The following SLC24A2 variants were observed in gnomAD, a reference collection of about 807,000 sequenced individuals.
The protein encoded by SLC24A2 is solute carrier family 24 member 2, also known as sodium/potassium/calcium exchanger 2.
SLC24A2 carries 36 observed loss-of-function variants against 62.0 expected under a neutral mutation model. The observed-to-expected ratio is 0.58, with a 90% CI of 0.44 to 0.77. The LOEUF is 0.77. Ranked by LOEUF, SLC24A2 falls within the 30% of genes least tolerant of loss-of-function variation. SLC24A2 has a pLI of 0.00. For synonymous variants in SLC24A2, 358 were observed against 294.0 expected (o/e 1.22, Z -2.23); for missense variants, 846 against 817.9 (o/e 1.03, Z -0.42).
chr9:19,774,105 A>T (rs978473040), intron 2 of SLC24A2, among the ~76,000 whole-genome samples: 17 of 152,180 alleles, frequency 1.1e-4, no homozygotes, highest in Admixed American at 9.2e-4. Context: ...AACACTCTGC[A>T]GGGAAAGATA....
At chr9:19,775,742 C>T (rs929293602) in intron 2 of SLC24A2, among the ~76,000 whole-genome samples, 5 of 152,200 alleles carry the variant, frequency 3.3e-5, no homozygotes, top group Non-Finnish European at 7.3e-5. Context: ...TAAGAAAAGG[C>T]ACCCCTTCCT....
At chr9:19,956,758 T>G in the SLC24A2 span, among the ~76,000 whole-genome samples, 1 of 152,196 alleles carries the variant, frequency 6.6e-6, no homozygotes, top group African/African-American at 2.4e-5. Flanking sequence ...CACATGGAAA[T>G]TGTAGGAATT....
At chr9:20,133,250 A>C in the SLC24A2 span, among the ~76,000 whole-genome samples, 1 of 152,104 alleles carries the variant, frequency 6.6e-6, no homozygotes, top group Non-Finnish European at 1.5e-5. Flanking sequence ...ATACACACAC[A>C]CACACACATC....
At chr9:20,229,653 A>G in the SLC24A2 span, among the ~76,000 whole-genome samples, 2 of 151,882 alleles carry the variant, frequency 1.3e-5, no homozygotes, top group Admixed American at 6.6e-5. Flanking sequence ...CTCTCATTAT[A>G]CTATTACTTT....
intron 7 of SLC24A2, among the ~76,000 whole-genome samples, chr9:19,561,820 T>G (rs1487474848): frequency 6.6e-6 from 1 of 152,162 alleles, no homozygotes; most frequent in Non-Finnish European, 1.5e-5. Flanking sequence ...ATGGTTTGTT[T>G]TATATATAGA....
At chr9:20,256,081 CT>C in the SLC24A2 span, among the ~76,000 whole-genome samples, 1 of 152,292 alleles carries the variant, frequency 6.6e-6, no homozygotes, top group Non-Finnish European at 1.5e-5. Context: ...TGAACTCATC[CT>C]TTCATATCAA....
At chr9:19,634,414 G>A (rs1476136035) in intron 2 of SLC24A2, among the ~76,000 whole-genome samples, 1 of 151,624 alleles carries the variant, frequency 6.6e-6, no homozygotes, top group Non-Finnish European at 1.5e-5. Context: ...TCAGCCTCCT[G>A]AGTAGCTGGG....
At chr9:20,089,201 G>T in the SLC24A2 span, among the ~76,000 whole-genome samples, 2 of 152,242 alleles carry the variant, frequency 1.3e-5, no homozygotes, top group African/African-American at 4.8e-5. Context: ...ACCAGAAACT[G>T]GTCTGGACCC....
At chr9:20,245,043 G>A in the SLC24A2 span, among the ~76,000 whole-genome samples, 9 of 152,074 alleles carry the variant, frequency 5.9e-5, no homozygotes, top group African/African-American at 2.2e-4. Flanking sequence ...GTTTTTTAGC[G>A]GACATGAGAA....
chr9:19,865,253 A>T, the SLC24A2 span, among the ~76,000 whole-genome samples: 1 of 152,126 alleles, frequency 6.6e-6, no homozygotes, highest in Non-Finnish European at 1.5e-5. Flanking sequence ...AAATGTCCAT[A>T]CTATCCAAAG....
At chr9:20,291,693 T>C in the SLC24A2 span, among the ~76,000 whole-genome samples, 1 of 152,170 alleles carries the variant, frequency 6.6e-6, no homozygotes, top group Non-Finnish European at 1.5e-5. Context: ...GCTGGAGCAC[T>C]AAAATAATTT....
chr9:19,745,120 T>C (rs542621726), intron 2 of SLC24A2, among the ~76,000 whole-genome samples: 58 of 152,222 alleles, frequency 3.8e-4, no homozygotes, highest in African/African-American at 1.3e-3. Context: ...ACTGAGTTCA[T>C]GTGAGATCTG....
chr9:19,834,086 C>T, the SLC24A2 span, among the ~76,000 whole-genome samples: 19 of 152,106 alleles, frequency 1.2e-4, no homozygotes. Flanking sequence ...ACGTCACCAT[C>T]ATCAAAGACC....
At chr9:19,748,150 C>G (rs1198840635) in intron 2 of SLC24A2, among the ~76,000 whole-genome samples, 1 of 152,110 alleles carries the variant, frequency 6.6e-6, no homozygotes, top group Non-Finnish European at 1.5e-5. Flanking sequence ...GAATTATTTA[C>G]CAAAAGCAAA....
the SLC24A2 span, among the ~76,000 whole-genome samples, chr9:20,237,319 A>T: frequency 6.6e-6 from 1 of 152,232 alleles, no homozygotes; most frequent in Admixed American, 6.5e-5. Flanking sequence ...AGGTAAAGGT[A>T]GGTCATAAAA....
intron 6 of SLC24A2, 66 bp from the exon 7 acceptor site, chr9:19,573,535 G>GAA: frequency 2.6e-6 from 2 of 781,820 alleles, no homozygotes; most frequent in Admixed American, 1.9e-5. Flanking sequence ...CACACAGAGA[G>GAA]AGAGAGAGAG....
chr9:20,085,942 G>C, the SLC24A2 span, among the ~76,000 whole-genome samples: 4 of 152,148 alleles, frequency 2.6e-5, no homozygotes, highest in East Asian at 7.7e-4. Flanking sequence ...CAAATGCATG[G>C]AAAGTGAGAG....
At chr9:19,850,126 C>G in the SLC24A2 span, among the ~76,000 whole-genome samples, 9 of 150,900 alleles carry the variant, frequency 6.0e-5, no homozygotes, top group Admixed American at 4.6e-4. Context: ...TATATAAATG[C>G]CTGTACACTT....
the SLC24A2 span, among the ~76,000 whole-genome samples, chr9:19,801,390 A>G: frequency 6.6e-6 from 1 of 152,184 alleles, no homozygotes; most frequent in Non-Finnish European, 1.5e-5. Context: ...CTGGATGCCG[A>G]GGGATGGAAG....
Sources: gnomAD v4.1 joint callset for allele counts (sites outside exome capture counted in the v4.1 genomes callset) on GRCh38, gnomAD v4.1.1 for gene constraint, MANE v1.5 for transcripts, NCBI Gene and HGNC (gene_info 2026-07-23, HGNC 2026-07-21) for gene names.